The following ABTB3 variants were observed in gnomAD, a reference collection of about 807,000 sequenced individuals.
The protein encoded by ABTB3 is ankyrin repeat- and BTB/POZ domain-containing protein 3.
At chr12:107,388,595 CCTCT>C in the ABTB3 span, among the ~76,000 whole-genome samples, 1 of 150,502 alleles carries the variant, frequency 6.6e-6, no homozygotes, top group East Asian at 2.0e-4. Context: ...CTTCCCTCTT[CCTCT>C]CTCTCTCTCT....
chr12:107,455,973 T>G, the ABTB3 span, among the ~76,000 whole-genome samples: 1 of 152,198 alleles, frequency 6.6e-6, no homozygotes, highest in Non-Finnish European at 1.5e-5. Context: ...TGCACTGTCT[T>G]GGCCAAATGA....
the ABTB3 span, among the ~76,000 whole-genome samples, chr12:107,507,282 C>G: frequency 2.0e-5 from 3 of 152,034 alleles, no homozygotes; most frequent in Non-Finnish European, 4.4e-5. Context: ...GTTGAGAGTC[C>G]AGGGAAGCAG....
the ABTB3 span, among the ~76,000 whole-genome samples, chr12:107,383,220 G>A: frequency 6.6e-6 from 1 of 152,230 alleles, no homozygotes; most frequent in South Asian, 2.1e-4. Context: ...CACTCCAGAA[G>A]CCAGGCCTAT....
the ABTB3 span, among the ~76,000 whole-genome samples, chr12:107,471,543 C>A: frequency 2.0e-5 from 3 of 152,286 alleles, no homozygotes; most frequent in South Asian, 6.2e-4. Flanking sequence ...CTGTACCCAG[C>A]CCTTTCTCTG....
the ABTB3 span, among the ~76,000 whole-genome samples, chr12:107,590,173 C>A: frequency 1.3e-5 from 2 of 152,228 alleles, no homozygotes; most frequent in Non-Finnish European, 2.9e-5. Context: ...CTCAGCCTCC[C>A]AAAGTGCTGG....
the ABTB3 span, chr12:107,635,069 A>T: frequency 1.6e-3 from 651 of 409,656 alleles, 2 homozygotes; most frequent in African/African-American, 0.012. Flanking sequence ...AAGCTTCACC[A>T]GTGAACCCAC....
chr12:107,491,271 C>G, the ABTB3 span, among the ~76,000 whole-genome samples: 1 of 152,180 alleles, frequency 6.6e-6, no homozygotes, highest in Non-Finnish European at 1.5e-5. Flanking sequence ...CATGCCCAGC[C>G]TTCACACCCT....
chr12:107,407,624 A>C, the ABTB3 span, among the ~76,000 whole-genome samples: 25,119 of 152,154 alleles, frequency 0.17, 4,074 homozygotes, highest in East Asian at 0.42. Context: ...AAAGCAATCA[A>C]ATGGTCAAAC....
chr12:107,537,189 T>C, the ABTB3 span, among the ~76,000 whole-genome samples: 5 of 151,914 alleles, frequency 3.3e-5, no homozygotes, highest in South Asian at 1.0e-3. Flanking sequence ...ATTGAGCCCA[T>C]AGAAGTAGAG....
At chr12:107,555,003 G>A in the ABTB3 span, among the ~76,000 whole-genome samples, 1 of 152,166 alleles carries the variant, frequency 6.6e-6, no homozygotes, top group Non-Finnish European at 1.5e-5. Context: ...TCCCTCATGT[G>A]AGGCTGGATC....
chr12:107,494,937 ACT>A, the ABTB3 span, among the ~76,000 whole-genome samples: 10 of 152,202 alleles, frequency 6.6e-5, no homozygotes, highest in Non-Finnish European at 1.3e-4. Flanking sequence ...GGCCTTTTAA[ACT>A]CTGTCTCCTA....
the ABTB3 span, among the ~76,000 whole-genome samples, chr12:107,634,198 A>AGT: frequency 5.9e-5 from 9 of 152,220 alleles, no homozygotes; most frequent in Non-Finnish European, 1.3e-4. Context: ...AACACAATGA[A>AGT]GTAGGTAGAT....
chr12:107,630,657 G>T, the ABTB3 span, among the ~76,000 whole-genome samples: 1 of 151,714 alleles, frequency 6.6e-6, no homozygotes, highest in Non-Finnish European at 1.5e-5. Flanking sequence ...GCCTAGGCGG[G>T]CCCCGAGCTC....
the ABTB3 span, among the ~76,000 whole-genome samples, chr12:107,550,859 A>C: frequency 6.6e-6 from 1 of 152,176 alleles, no homozygotes; most frequent in African/African-American, 2.4e-5. Flanking sequence ...CTGGGATTAC[A>C]GGTGTGAGCC....
chr12:107,504,905 G>A, the ABTB3 span, among the ~76,000 whole-genome samples: 8 of 152,112 alleles, frequency 5.3e-5, no homozygotes, highest in African/African-American at 1.9e-4. Flanking sequence ...ATCCTCAGTG[G>A]GGTGCTCACT....
the ABTB3 span, among the ~76,000 whole-genome samples, chr12:107,533,515 A>G: frequency 6.6e-6 from 1 of 152,240 alleles, no homozygotes. Context: ...TCAAAAAAAC[A>G]TAAAAAGAGA....
the ABTB3 span, among the ~76,000 whole-genome samples, chr12:107,495,279 G>T: frequency 6.6e-6 from 1 of 152,192 alleles, no homozygotes; most frequent in African/African-American, 2.4e-5. Context: ...GGGAAGCCAG[G>T]CCTACCTGCA....
the ABTB3 span, among the ~76,000 whole-genome samples, chr12:107,410,105 C>T: frequency 1.3e-5 from 2 of 151,964 alleles, no homozygotes; most frequent in South Asian, 2.1e-4. Flanking sequence ...CAGAGCACAT[C>T]GGCCCAGCCA....
chr12:107,417,016 G>T, the ABTB3 span, among the ~76,000 whole-genome samples: 1 of 152,184 alleles, frequency 6.6e-6, no homozygotes, highest in Non-Finnish European at 1.5e-5. Flanking sequence ...GAATAAACAG[G>T]CAGAATAAAG....
Sources: allele counts gnomAD v4.1 joint callset (sites outside exome capture counted in the v4.1 genomes callset), GRCh38; gene constraint gnomAD v4.1.1; transcripts MANE v1.5; gene names NCBI Gene and HGNC (gene_info 2026-07-23, HGNC 2026-07-21).